The following MAPK4 variants were observed in gnomAD, a reference collection of about 807,000 sequenced individuals.
The protein encoded by MAPK4 is Erk3-related.
In MAPK4, 22 loss-of-function variants were observed where a neutral mutation model predicts 47.7. That is an observed-to-expected ratio of 0.46 (90% CI 0.33 to 0.66). The LOEUF (loss-of-function observed/expected upper bound fraction) is 0.66, where lower values mean the gene tolerates loss of function less well. Among genes scored for constraint, MAPK4 ranks in the 30% least tolerant of loss-of-function variants. The pLI is 0.02. For missense variants in MAPK4, 736 were observed against 831.7 expected, an observed-to-expected ratio of 0.88 and a Z score of 1.42; for synonymous variants, 390 against 365.7, an observed-to-expected ratio of 1.07 and a Z score of -0.76.
At chr18:50,649,253 C>T (rs1295473306) in intron 1 of MAPK4, among the ~76,000 whole-genome samples, 1 of 152,214 alleles carries the variant, frequency 6.6e-6, no homozygotes, top group Non-Finnish European at 1.5e-5. Context: ...TGTCTACCCA[C>T]TCCCACACTT....
In MAPK4 at chr18:50,664,496, T is replaced by A. The variant is rs1268146326; in HGVS notation, c.538T>A (p.Ser180Thr). The change falls in exon 2 of 6, where the codon TCC (serine) becomes ACC (threonine). Residue 180 changes from serine to threonine, a missense_variant. Transcript: ENST00000400384. The surrounding 1 kb of genome is among the most constrained non-coding windows in gnomAD (Gnocchi z 6.0). ...GLARIVDQHYSHKGYLSEGLV... is the reference protein window; with the variant it reads ...GLARIVDQHYTHKGYLSEGLV... ...GGCAAGGATCGTTGATCAGCATTACTCCCACAAGGTATGTCTGGCTGGAAT... is the reference window on the plus strand; with the variant it reads ...GGCAAGGATCGTTGATCAGCATTACACCCACAAGGTATGTCTGGCTGGAAT... 1 of 1,588,774 alleles carries A rather than the reference T, an allele frequency of 6.3e-7. No individual in the cohort carries two copies. The highest frequency in any genetic ancestry group is 1.3e-5 in the African/African-American group (1 of 74,566).
At chr18:50,600,765 TG>T (rs1270202533) in intron 1 of MAPK4, among the ~76,000 whole-genome samples, 54 of 152,118 alleles carry the variant, frequency 3.5e-4, no homozygotes, top group Non-Finnish European at 7.6e-4. Context: ...TTGATTTTAG[TG>T]TCAAAGAACC....
chr18:50,716,964 T>C (rs1910671627), intron 3 of MAPK4, among the ~76,000 whole-genome samples: 4 of 152,164 alleles, frequency 2.6e-5, no homozygotes, highest in Admixed American at 2.6e-4. Flanking sequence ...ATGGCCCCTC[T>C]TCTTCTCTAT....
intron 3 of MAPK4, 146 bp downstream of exon 3, chr18:50,715,369 C>A (rs1349423221): frequency 2.0e-6 from 2 of 1,004,698 alleles, no homozygotes; most frequent in African/African-American, 1.6e-5. Flanking sequence ...TTTGGAGGCA[C>A]CTTATTATAT....
rs116782876 is a variant in MAPK4 at position 50,700,041 on chromosome 18, A to G, written c.547-15038A>G. ...GAGTTAGGTTCATGACCTAGGCATG[A>G]TTGATTTAATCATTGGCCACCTAAC... On this transcript the variant is annotated intron_variant, in intron 2 of 5. Coordinates refer to ENST00000400384, the MANE Select transcript of MAPK4 (RefSeq NM_002747.4). Among the ~76,000 whole-genome samples, 469 of 152,280 alleles carry G rather than the reference A, an allele frequency of 3.1e-3. 4 individuals carry two copies. The highest frequency in any genetic ancestry group is 0.011 in the African/African-American group (452 of 41,558).
intron 1 of MAPK4, among the ~76,000 whole-genome samples, chr18:50,642,258 T>A (rs1444178606): frequency 6.6e-6 from 1 of 152,222 alleles, no homozygotes; most frequent in Non-Finnish European, 1.5e-5. Context: ...TGTATTATTG[T>A]ATATTTGGGA....
intron 1 of MAPK4, among the ~76,000 whole-genome samples, chr18:50,657,788 G>A (rs550227502): frequency 1.3e-5 from 2 of 152,140 alleles, no homozygotes; most frequent in East Asian, 3.9e-4. Flanking sequence ...CCACTGCTAA[G>A]GATCACTTGG....
chr18:50,603,030 T>A (rs570016287), intron 1 of MAPK4, among the ~76,000 whole-genome samples: 45 of 152,216 alleles, frequency 3.0e-4, no homozygotes, highest in African/African-American at 1.0e-3. Context: ...AAGACCTGCT[T>A]AAATTGTGTC....
intron 1 of MAPK4, among the ~76,000 whole-genome samples, chr18:50,637,355 C>T (rs1043168209): frequency 6.6e-6 from 1 of 152,144 alleles, no homozygotes; most frequent in South Asian, 2.1e-4. Context: ...CCCCATTTGA[C>T]ACATGTTGAA....
chr18:50,602,938 T>G (rs1280254203), intron 1 of MAPK4, among the ~76,000 whole-genome samples: 1 of 152,082 alleles, frequency 6.6e-6, no homozygotes, highest in Non-Finnish European at 1.5e-5. Context: ...TGGGCTGAGG[T>G]GTCAGAGGGC....
intron 1 of MAPK4, among the ~76,000 whole-genome samples, chr18:50,610,405 C>T (rs2042622668): frequency 6.6e-6 from 1 of 152,218 alleles, no homozygotes; most frequent in Admixed American, 6.5e-5. Flanking sequence ...GCTGGTACCT[C>T]TGAGGGGTAT....
chr18:50,687,587 T>C (rs1908955996), intron 2 of MAPK4, among the ~76,000 whole-genome samples: 1 of 152,222 alleles, frequency 6.6e-6, no homozygotes, highest in Non-Finnish European at 1.5e-5. Flanking sequence ...CTTTCCCTGG[T>C]ACACGCCTGC....
At chr18:50,713,914 C>A (rs762424647) in intron 2 of MAPK4, among the ~76,000 whole-genome samples, 1 of 152,100 alleles carries the variant, frequency 6.6e-6, no homozygotes, top group Non-Finnish European at 1.5e-5. Context: ...AGGCTCTACT[C>A]GGAGGAAATA....
At chr18:50,719,615 C>T (rs1352569062) in intron 3 of MAPK4, among the ~76,000 whole-genome samples, 2 of 152,154 alleles carry the variant, frequency 1.3e-5, no homozygotes, top group Non-Finnish European at 1.5e-5. Context: ...GTCATAGGTG[C>T]CTGGCTGCCT....
intron 1 of MAPK4, among the ~76,000 whole-genome samples, chr18:50,575,792 C>CAAAAAAAAAAAAAAAAAAAAACAAAAAA (rs2042290778): frequency 1.4e-5 from 1 of 70,130 alleles, no homozygotes; most frequent in African/African-American, 5.7e-5. Context: ...AATCAACAAG[C>CAAAAAAAAAAAAAAAAAAAAACAAAAAA]AAAAAAAAAA....
chr18:50,567,229 A>C (rs188073355), intron 1 of MAPK4, among the ~76,000 whole-genome samples: 7 of 151,946 alleles, frequency 4.6e-5, no homozygotes, highest in Non-Finnish European at 8.8e-5. Context: ...TTCTAATGCT[A>C]TCCCTCCCCT....
intron 2 of MAPK4, among the ~76,000 whole-genome samples, chr18:50,703,836 G>A (rs1399586471): frequency 6.6e-6 from 1 of 152,176 alleles, no homozygotes. Flanking sequence ...TCCCCTGCTA[G>A]CTATTAACAT....
At chr18:50,677,891 C>A (rs1348291469) in intron 2 of MAPK4, among the ~76,000 whole-genome samples, 1 of 152,188 alleles carries the variant, frequency 6.6e-6, no homozygotes, top group Non-Finnish European at 1.5e-5. Flanking sequence ...AGAGTGGCTG[C>A]TCTGCCTCAG....
intron 1 of MAPK4, among the ~76,000 whole-genome samples, chr18:50,654,664 C>T (rs2043087710): frequency 6.6e-6 from 1 of 152,254 alleles, no homozygotes; most frequent in African/African-American, 2.4e-5. Flanking sequence ...CACATGCCCC[C>T]TGGCACACTT....
Sources: gnomAD v4.1 joint callset for allele counts (sites outside exome capture counted in the v4.1 genomes callset) on GRCh38, gnomAD v4.1.1 for gene constraint, Gnocchi (gnomAD v3.1) non-coding constraint, MANE v1.5 for transcripts, NCBI Gene and HGNC (gene_info 2026-07-23, HGNC 2026-07-21) for gene names.